The following CACNA1E variants were observed in gnomAD, a reference collection of about 807,000 sequenced individuals.
CACNA1E encodes the protein voltage-dependent R-type calcium channel subunit alpha-1E.
CACNA1E carries 40 observed loss-of-function variants against 259.2 expected under a neutral mutation model. The observed-to-expected ratio is 0.15, with a 90% CI of 0.12 to 0.20. The LOEUF is 0.20. CACNA1E is among the 10% of genes least tolerant of loss of function. The pLI is 1.00. For synonymous variants in CACNA1E, 1,104 were observed against 1,138.5 expected, an observed-to-expected ratio of 0.97 and a Z score of 0.61; for missense variants, 1,874 against 3,040.1, an observed-to-expected ratio of 0.62 and a Z score of 9.02.
At chr1:181,707,388 C>T (rs547553602) in intron 7 of CACNA1E, among the ~76,000 whole-genome samples, 1 of 152,108 alleles carries the variant, frequency 6.6e-6, no homozygotes, top group South Asian at 2.1e-4. Context: ...GAAAGGGAGC[C>T]TACAATGGCG....
chr1:181,662,768 G>A (rs1481976167), intron 7 of CACNA1E, among the ~76,000 whole-genome samples: 2 of 151,418 alleles, frequency 1.3e-5, no homozygotes, highest in Non-Finnish European at 3.0e-5. Context: ...CAATTAGCAT[G>A]AGCTCAGATG....
intron 6 of CACNA1E, among the ~76,000 whole-genome samples, chr1:181,631,561 G>C (rs1449215868): frequency 6.6e-6 from 1 of 152,138 alleles, no homozygotes; most frequent in Non-Finnish European, 1.5e-5. Context: ...GATTCCAGAG[G>C]AGTGCCTGGG....
intron 1 of CACNA1E, among the ~76,000 whole-genome samples, chr1:181,394,155 G>A (rs887210903): frequency 6.6e-6 from 1 of 152,214 alleles, no homozygotes; most frequent in African/African-American, 2.4e-5. Context: ...AATGGGAAGA[G>A]TGGTGGGGGA....
rs185950237 is a variant in CACNA1E at position 181,434,144 on chromosome 1, C to T, written c.434+20564C>T. 3.8e-3 allele frequency among the ~76,000 whole-genome samples: 585 copies of T among 152,252 alleles called. 3 individuals carry two copies. Among genetic ancestry groups the T allele is most frequent in the Non-Finnish European group, 3.9e-3 (267 of 68,024 alleles). On this transcript the variant is annotated intron_variant, in intron 2 of 11. Coordinates refer to the CACNA1E transcript ENST00000524607. Reference sequence around the variant, plus strand: ...GACTGGCTTTGGCAAATTGCTTAACCGCTCTGGGTATGTCCTTATCTGTAA... The same window carrying T: ...GACTGGCTTTGGCAAATTGCTTAACTGCTCTGGGTATGTCCTTATCTGTAA...
At chr1:181,542,361 T>A (rs1452768328) in intron 3 of CACNA1E, among the ~76,000 whole-genome samples, 6 of 152,338 alleles carry the variant, frequency 3.9e-5, no homozygotes, top group African/African-American at 1.4e-4. Flanking sequence ...TTAAAGGATG[T>A]TCTTAACAAC....
In CACNA1E at chr1:181,593,286, G is replaced by C. The variant is rs1016546466; in HGVS notation, c.951+12510G>C. Among the ~76,000 whole-genome samples the C allele has an allele frequency of 2.0e-5, 3 of 152,134 alleles. No individual in the cohort carries two copies. In the South Asian group the frequency reaches 6.2e-4, roughly 32 times the overall value. On this transcript the variant is annotated intron_variant, in intron 6 of 47. Coordinates refer to ENST00000367573, the MANE Select transcript of CACNA1E (RefSeq NM_001205293.3). ...CAGAGTGGGTGTCTGGTTGCTTCGG[G>C]AGCATGTAAGACAAATTATCCTAAC...
At chr1:181,520,097 G>T (rs1397681350) in intron 3 of CACNA1E, among the ~76,000 whole-genome samples, 1 of 152,150 alleles carries the variant, frequency 6.6e-6, no homozygotes. Context: ...TATTTTAAAT[G>T]CAGAAGGCTT....
chr1:181,512,587 T>A (rs2102629635), intron 3 of CACNA1E, among the ~76,000 whole-genome samples: 1 of 152,336 alleles, frequency 6.6e-6, no homozygotes, highest in South Asian at 2.1e-4. Flanking sequence ...TTGGGAATGA[T>A]TGCATCTATT....
upstream of CACNA1E, among the ~76,000 whole-genome samples, chr1:181,482,886 G>T (rs1663413011): frequency 6.6e-6 from 1 of 152,272 alleles, no homozygotes; most frequent in South Asian, 2.1e-4. Flanking sequence ...CTGATCCGGG[G>T]AGGCGGCGGT....
intron 2 of CACNA1E, among the ~76,000 whole-genome samples, chr1:181,429,774 T>C (rs1040381679): frequency 6.6e-6 from 1 of 152,222 alleles, no homozygotes; most frequent in South Asian, 2.1e-4. Context: ...CCAGTCTGCT[T>C]TTAAAAAATA....
At chr1:181,612,683 G>A (rs1324051227) in intron 6 of CACNA1E, among the ~76,000 whole-genome samples, 1 of 152,126 alleles carries the variant, frequency 6.6e-6, no homozygotes, top group Non-Finnish European at 1.5e-5. Flanking sequence ...TCCATGGAGG[G>A]TAGACTCATG....
At chr1:181,614,823 C>T (rs186935698) in intron 6 of CACNA1E, among the ~76,000 whole-genome samples, 203 of 152,114 alleles carry the variant, frequency 1.3e-3, no homozygotes, top group Middle Eastern at 3.4e-3. Context: ...CATGACATAC[C>T]TAACTTTGAT....
At chr1:181,771,857 G>T (rs1441847260) in intron 36 of CACNA1E, among the ~76,000 whole-genome samples, 2 of 152,180 alleles carry the variant, frequency 1.3e-5, no homozygotes, top group African/African-American at 4.8e-5. Flanking sequence ...AAAAGATGGA[G>T]ACGCAGTGGA....
chr1:181,338,962 T>G lies in CACNA1E; in HGVS notation c.-15+20839T>G, dbSNP rs760976271. ...TATTCTTGGTGGCCTTGTCAAAAAT[T>G]AGTTGACTGTCTATGCTTCGAATTA... On this transcript the variant is annotated intron_variant, in intron 1 of 11. Coordinates refer to the CACNA1E transcript ENST00000524607. Among the ~76,000 whole-genome samples, 4 of 152,168 alleles carry G rather than the reference T, an allele frequency of 2.6e-5. No individual in the cohort carries two copies. In the South Asian group the frequency reaches 6.2e-4, roughly 24 times the overall value.
rs1306275076 is a variant in CACNA1E, at chr1:181,783,423, C to G, written c.5365-256C>G. Reference sequence around the variant, plus strand: ...GGGCCTTACTGAATGATTAGGGAAGCCCCTTCCCTTTGGAATTTGGCATCA... The same window carrying G: ...GGGCCTTACTGAATGATTAGGGAAGGCCCTTCCCTTTGGAATTTGGCATCA... On this transcript the variant is annotated intron_variant, in intron 39 of 47. Transcript: ENST00000367573. Among the ~76,000 whole-genome samples, 3 of 152,264 alleles carry G rather than the reference C, an allele frequency of 2.0e-5. No individual in the cohort carries two copies. The East Asian group carries it at 5.8e-4, about 29-fold the overall frequency.
intron 1 of CACNA1E, among the ~76,000 whole-genome samples, chr1:181,510,259 G>A (rs1666053550): frequency 6.6e-6 from 1 of 152,140 alleles, no homozygotes; most frequent in African/African-American, 2.4e-5. Flanking sequence ...AAGATGCTTT[G>A]TGTTCAGAGA....
chr1:181,537,748 C>A (rs1264721149), intron 3 of CACNA1E, among the ~76,000 whole-genome samples: 2 of 152,184 alleles, frequency 1.3e-5, no homozygotes, highest in Non-Finnish European at 2.9e-5. Flanking sequence ...GTTCTAAGTA[C>A]TTTACCTGTG....
intron 1 of CACNA1E, among the ~76,000 whole-genome samples, chr1:181,393,578 T>A (rs1316000401): frequency 6.6e-6 from 1 of 152,068 alleles, no homozygotes; most frequent in East Asian, 1.9e-4. Flanking sequence ...CCACCTCACT[T>A]CCTGAGTAGC....
chr1:181,342,885 G>A (rs1652278496), intron 1 of CACNA1E, among the ~76,000 whole-genome samples: 2 of 152,102 alleles, frequency 1.3e-5, no homozygotes, highest in South Asian at 4.1e-4. Context: ...ACACTTTCCT[G>A]CTTATATATT....
Sources: gnomAD v4.1 joint callset for allele counts (sites outside exome capture counted in the v4.1 genomes callset) on GRCh38, gnomAD v4.1.1 for gene constraint, MANE v1.5 for transcripts, NCBI Gene and HGNC (gene_info 2026-07-23, HGNC 2026-07-21) for gene names.